The following BRDT variants were observed in gnomAD, a reference collection of about 807,000 sequenced individuals.
The protein encoded by BRDT is bromodomain testis-specific protein.
In BRDT, 77 loss-of-function variants were observed where a neutral mutation model predicts 113.9. The ratio of observed to expected loss-of-function variants is 0.68; its 90% confidence interval spans 0.56 to 0.82. The LOEUF (loss-of-function observed/expected upper bound fraction) is 0.82, where lower values mean the gene tolerates loss of function less well. Among genes scored for constraint, BRDT ranks in the 40% least tolerant of loss-of-function variants. The pLI is 0.00. For missense variants in BRDT, 1,027 were observed against 1,105.4 expected (o/e 0.93, Z 1.01); for synonymous variants, 358 against 366.5 (o/e 0.98, Z 0.26).
rs750618078 is a variant in BRDT at position 91,962,740 on chromosome 1, T to A, written c.-15T>A. 2.6e-6 allele frequency: 4 copies of A among 1,567,398 alleles called. No individual in the cohort carries two copies. Among genetic ancestry groups the A allele is most frequent in the Non-Finnish European group, 8.6e-7 (1 of 1,160,068 alleles). Reference sequence around the variant, plus strand: ...CAGGACATGTACTTGTAGACAGGATTCAAAGCAGTTAAGAATGTCTCTGCC... The same window carrying A: ...CAGGACATGTACTTGTAGACAGGATACAAAGCAGTTAAGAATGTCTCTGCC... On this transcript the variant is annotated 5_prime_UTR_variant, in exon 2 of 19. Transcript: ENST00000399546.
chr1:92,006,111 G>C (rs1198207302), intron 18 of BRDT, among the ~76,000 whole-genome samples: 4 of 152,178 alleles, frequency 2.6e-5, no homozygotes, highest in African/African-American at 7.2e-5. Context: ...TGACTGAATT[G>C]TTTGAAATTT....
Position 91,976,350 on chromosome 1 carries a change from T to G in BRDT, c.530T>G (p.Ile177Ser), listed in dbSNP as rs1231375728. 1 of 1,612,814 alleles carries G rather than the reference T, an allele frequency of 6.2e-7. No individual in the cohort carries two copies. The highest frequency in any genetic ancestry group is 8.5e-7 in the Non-Finnish European group (1 of 1,179,556). Residue 177 changes from isoleucine (I) to serine (S), a missense_variant, in exon 5 of 19, where the codon ATT becomes AGT. Transcript: ENST00000399546. ...GAAAAAGTATTTAAGCAGCAAGAAA[T>G]TCCTTCTGTATTTCCTAAGACATCT... The part of the protein sequence containing the change: ...ATEKVFKQQE[I>S]PSVFPKTSIS...
At chr1:91,971,454 G>A (rs923224838) in intron 4 of BRDT, among the ~76,000 whole-genome samples, 3 of 152,194 alleles carry the variant, frequency 2.0e-5, no homozygotes, top group African/African-American at 7.2e-5. Context: ...CCAGAGTCAT[G>A]TCTTTGTTAG....
intron 1 of BRDT, among the ~76,000 whole-genome samples, chr1:91,959,897 G>T (rs564503948): frequency 6.6e-6 from 1 of 152,254 alleles, no homozygotes; most frequent in Non-Finnish European, 1.5e-5. Context: ...AATCTTGGCC[G>T]CACATCAGAA....
Position 91,979,611 on chromosome 1 carries a change from G to C in BRDT, c.1141G>C (p.Val381Leu), listed in dbSNP as rs760225599. Residue 381 changes from valine (V) to leucine (L), a missense_variant, in exon 8 of 19, where the codon GTT becomes CTT. Val to Leu is a conservative substitution (Grantham distance 32). Transcript: ENST00000399546. ...TTTTTCAAAGATCCCGATTGAACCT[G>C]TTGAGAGTATGCCTTTATGTTACAT... The part of the protein sequence containing the change: ...THFSKIPIEP[V>L]ESMPLCYIKT... The C allele has an allele frequency of 3.1e-6, 5 of 1,613,060 alleles. No individual in the cohort carries two copies. The Admixed American group carries it at 8.4e-5, about 27-fold the overall frequency.
In BRDT at chr1:91,977,154, C is replaced by T; in HGVS notation, c.730C>T (p.Pro244Ser). 6.2e-7 allele frequency: 1 copy of T among 1,614,002 alleles called. No homozygotes were observed. Among genetic ancestry groups the T allele is most frequent in the South Asian group, 1.1e-5 (1 of 91,044 alleles). ...CACAGAAAAATCAGTGGCACTGCCA[C>T]CTATAAAAGAAAATATGCCAAAGAA... ...TFTEKSVALPPIKENMPKNVL... is the reference protein window; with the variant it reads ...TFTEKSVALPSIKENMPKNVL... The change falls in exon 6 of 19, where the codon CCT becomes TCT. Residue 244 changes from proline to serine, a missense_variant. By Grantham distance (74) the Pro-to-Ser change is moderately conservative. Coordinates refer to ENST00000399546, the MANE Select transcript of BRDT (RefSeq NM_207189.4).
intron 16 of BRDT, 33 bp from the exon 17 acceptor site, chr1:92,004,381 G>A (rs558390608): frequency 3.9e-6 from 6 of 1,522,824 alleles, no homozygotes; most frequent in Non-Finnish European, 5.3e-6. Context: ...GTTAACATCT[G>A]TAGACATAGA....
intron 15 of BRDT, among the ~76,000 whole-genome samples, chr1:91,997,241 G>A (rs1200969806): frequency 6.6e-6 from 1 of 152,090 alleles, no homozygotes; most frequent in Non-Finnish European, 1.5e-5. Flanking sequence ...AGCTTTTTTA[G>A]TACCTGTTGT....
At position 92,005,137 on chromosome 1, in the gene BRDT, G is replaced by T; in HGVS notation, c.2613G>T (p.Leu871Phe). The change falls in exon 18 of 19, where the codon TTG becomes TTT. Residue 871 changes from leucine to phenylalanine, a missense_variant. By Grantham distance (22) the Leu-to-Phe change is conservative. Coordinates refer to ENST00000399546, the MANE Select transcript of BRDT (RefSeq NM_207189.4). ...CTTTAAGGGATCTTGGGAATGGATT[G>T]ACTGTAGAATCTTTTTCAAATAAAA... The part of the protein sequence containing the change: ...QENQRDLGNG[L>F]TVESFSNKIQ... The T allele has an allele frequency of 6.6e-7, 1 of 1,513,436 alleles. No individual in the cohort carries two copies. Among genetic ancestry groups the T allele is most frequent in the South Asian group, 1.4e-5 (1 of 73,092 alleles). 93.8% of individuals were successfully genotyped at this position (1,513,436 alleles called of 1,614,324 possible).
At chr1:91,954,894 G>A (rs867474788) in intron 1 of BRDT, among the ~76,000 whole-genome samples, 7 of 152,100 alleles carry the variant, frequency 4.6e-5, no homozygotes, top group Admixed American at 2.0e-4. Context: ...GCCCGAGATC[G>A]AGGCTTCAGT....
At chr1:91,964,909 AAT>A in intron 3 of BRDT, 145 bp downstream of exon 3, 26 of 396,802 alleles carry the variant, frequency 6.6e-5, no homozygotes, top group Non-Finnish European at 8.2e-5. Flanking sequence ...GTGTGTATAT[AAT>A]TTTTTTTTTT....
At chr1:91,952,905 C>T (rs536085334) in intron 1 of BRDT, among the ~76,000 whole-genome samples, 1 of 151,712 alleles carries the variant, frequency 6.6e-6, no homozygotes, top group Non-Finnish European at 1.5e-5. Flanking sequence ...AAGGGAGAAG[C>T]AAATGAGAAG....
chr1:92,002,070 A>C lies in BRDT; in HGVS notation c.2309A>C (p.Asn770Thr). The C allele has an allele frequency of 6.2e-7, 1 of 1,613,532 alleles. No individual in the cohort carries two copies. Among genetic ancestry groups the C allele is most frequent in the Non-Finnish European group, 8.5e-7 (1 of 1,179,512 alleles). ...CCAGGTGATTCTGAACAGCTCTCAAATGGCATAACTGTGATGCATCCATCT... is the reference window on the plus strand; with the variant it reads ...CCAGGTGATTCTGAACAGCTCTCAACTGGCATAACTGTGATGCATCCATCT... ...PPSGDSEQLSNGITVMHPSGD... is the reference protein window; with the variant it reads ...PPSGDSEQLSTGITVMHPSGD... Residue 770 changes from asparagine to threonine, a missense_variant, in exon 16 of 19, where the codon AAT becomes ACT. Asn to Thr is a moderately conservative substitution (Grantham distance 65). Transcript: ENST00000399546.
At chr1:92,013,305 T>G (rs72954744) in intron 18 of BRDT, among the ~76,000 whole-genome samples, 10,036 of 152,172 alleles carry the variant, frequency 0.066, 350 homozygotes, top group Non-Finnish European at 0.087. Flanking sequence ...TTAAAGAAAT[T>G]TATATGGTTT....
intron 7 of BRDT, 82 bp downstream of exon 7, chr1:91,978,378 A>C: frequency 6.6e-7 from 1 of 1,507,028 alleles, no homozygotes; most frequent in South Asian, 1.3e-5. Context: ...GTAAGAGATA[A>C]AGAATAATAA....
At position 91,979,666 on chromosome 1, in the gene BRDT, G is replaced by A; in HGVS notation, c.1196G>A (p.Arg399Lys). 6.2e-7 allele frequency: 1 copy of A among 1,614,116 alleles called. No individual in the cohort carries two copies. The highest frequency in any genetic ancestry group is 8.5e-7 in the Non-Finnish European group (1 of 1,179,988). The change falls in exon 8 of 19, where the codon AGA becomes AAA. Residue 399 changes from arginine to lysine, a missense_variant. Transcript: ENST00000399546. Reference protein sequence around the residue: ...IKTDITETTGRENTNEASSEG... With the variant: ...IKTDITETTGKENTNEASSEG... ...ACAGATATCACAGAAACCACTGGTA[G>A]AGAGAACACTAATGAAGCCTCCTCT...
At position 91,994,225 on chromosome 1, in the gene BRDT, T is replaced by C. The variant is rs777796917; in HGVS notation, c.2258T>C (p.Ile753Thr). Reference sequence around the variant, plus strand: ...GAACATTTACAGACTGTGAAAAACATTTCACCTTTACAAATTCTGCCTCCC... The same window carrying C: ...GAACATTTACAGACTGTGAAAAACACTTCACCTTTACAAATTCTGCCTCCC... The part of the protein sequence containing the change: ...ELEHLQTVKN[I>T]SPLQILPPSG... The change falls in exon 15 of 19, where the codon ATT (isoleucine) becomes ACT (threonine). Residue 753 changes from isoleucine (I) to threonine (T), a missense_variant. Ile to Thr is a moderately conservative substitution (Grantham distance 89, BLOSUM62 -1). Coordinates refer to ENST00000399546, the MANE Select transcript of BRDT (RefSeq NM_207189.4). 1.9e-6 allele frequency: 3 copies of C among 1,608,894 alleles called. No homozygotes were observed. The highest frequency in any genetic ancestry group is 2.5e-6 in the Non-Finnish European group (3 of 1,178,526).
rs1176086045 is a variant in BRDT, at chr1:91,981,784, T to C, written c.2002+29T>C. ...AGCTGTCCCCTTAAATGTACCTCTG[T>C]TGATGGGAGCACTTTTTTTCCTGTA... is the stretch of plus-strand genomic sequence containing the variant. On this transcript the variant is annotated intron_variant, in intron 12 of 18. Coordinates refer to ENST00000399546, the MANE Select transcript of BRDT (RefSeq NM_207189.4). The C allele has an allele frequency of 3.9e-6, 6 of 1,558,306 alleles. No homozygotes were observed. In the Admixed American group the frequency reaches 1.2e-4, roughly 32 times the overall value.
At chr1:91,964,880 TG>T in intron 3 of BRDT, 116 bp downstream of exon 3, 1 of 76,726 alleles carries the variant, frequency 1.3e-5, no homozygotes, top group Non-Finnish European at 3.2e-5. Context: ...ATACTTGACG[TG>T]TGTGTGTGTG....
Sources: gnomAD v4.1 joint callset for allele counts (sites outside exome capture counted in the v4.1 genomes callset) on GRCh38, gnomAD v4.1.1 for gene constraint, MANE v1.5 for transcripts, NCBI Gene and HGNC (gene_info 2026-07-23, HGNC 2026-07-21) for gene names.